Variants in CNTNAP5 observed in about 807,000 individuals in gnomAD.
CNTNAP5 encodes the protein contactin-associated protein-like 5.
In CNTNAP5, 72 loss-of-function variants were observed where a neutral mutation model predicts 150.2. The observed-to-expected ratio is 0.48, with a 90% confidence interval of 0.40 to 0.58. The LOEUF is 0.58. Among genes scored for constraint, CNTNAP5 ranks in the 20% least tolerant of loss-of-function variants. The pLI is 0.00. For synonymous variants in CNTNAP5, 672 were observed against 619.8 expected (o/e 1.08, Z -1.25); for missense variants, 1,636 against 1,626.2 (o/e 1.01, Z -0.10).
At position 124,524,392 on chromosome 2, in the gene CNTNAP5, C is replaced by T. The variant is rs1484108194; in HGVS notation, c.1417C>T (p.Pro473Ser). 6.2e-7 allele frequency: 1 copy of T among 1,613,710 alleles called. No homozygotes were observed. The highest frequency in any genetic ancestry group is 1.1e-5 in the South Asian group (1 of 91,072). The change falls in exon 9 of 24, where the codon CCC (proline) becomes TCC (serine). Residue 473 changes from proline (P) to serine (S), a missense_variant. Pro to Ser is a moderately conservative substitution (Grantham distance 74). Transcript: ENST00000682447. Reference sequence around the variant, plus strand: ...GCTCACTCTGGATGATGAAGCAGCACCCCCGGCTCCAGACAGCACTTGGGT... The same window carrying T: ...GCTCACTCTGGATGATGAAGCAGCATCCCCGGCTCCAGACAGCACTTGGGT... ...ITLTLDDEAAPPAPDSTWVQI... is the reference protein window; with the variant it reads ...ITLTLDDEAASPAPDSTWVQI...
chr2:124,130,651 A>G (rs563233297), intron 1 of CNTNAP5, among the ~76,000 whole-genome samples: 1 of 152,256 alleles, frequency 6.6e-6, no homozygotes, highest in South Asian at 2.1e-4. Context: ...TGGTGGCGAC[A>G]GCATCCTATT....
chr2:124,903,712 T>C (rs1341081763), intron 22 of CNTNAP5, among the ~76,000 whole-genome samples: 1 of 152,086 alleles, frequency 6.6e-6, no homozygotes, highest in South Asian at 2.1e-4. Flanking sequence ...AAATGTCAAG[T>C]AAACAATACA....
chr2:124,137,465 A>T (rs935854891), intron 1 of CNTNAP5, among the ~76,000 whole-genome samples: 1 of 152,208 alleles, frequency 6.6e-6, no homozygotes, highest in Non-Finnish European at 1.5e-5. Context: ...ATTCTAAAAT[A>T]AACTATGAGC....
intron 3 of CNTNAP5, among the ~76,000 whole-genome samples, chr2:124,365,352 A>G (rs1030599785): frequency 1.3e-5 from 2 of 152,056 alleles, no homozygotes; most frequent in African/African-American, 4.8e-5. Context: ...ATGGATGTCA[A>G]TGGGGAAGAA....
chr2:124,216,872 CA>C (rs1362721980), intron 1 of CNTNAP5, among the ~76,000 whole-genome samples: 1 of 152,078 alleles, frequency 6.6e-6, no homozygotes, highest in Admixed American at 6.6e-5. Context: ...GTCTTTATAG[CA>C]GCATGATTTA....
intron 19 of CNTNAP5, among the ~76,000 whole-genome samples, chr2:124,811,393 CT>C (rs1278454354): frequency 9.2e-5 from 14 of 152,146 alleles, no homozygotes; most frequent in African/African-American, 3.1e-4. Flanking sequence ...AAATGTATTA[CT>C]TCGATAAAAA....
chr2:124,819,076 A>G (rs1382528222), intron 19 of CNTNAP5, among the ~76,000 whole-genome samples: 1 of 152,110 alleles, frequency 6.6e-6, no homozygotes, highest in East Asian at 1.9e-4. Flanking sequence ...TGGGGCTTAT[A>G]GAGACCATGC....
chr2:124,720,124 C>T (rs1680020651), intron 13 of CNTNAP5, among the ~76,000 whole-genome samples: 1 of 152,078 alleles, frequency 6.6e-6, no homozygotes, highest in South Asian at 2.1e-4. Flanking sequence ...CTTAATATTG[C>T]CTTGGTCCCT....
At chr2:124,440,438 G>A (rs186013166) in intron 5 of CNTNAP5, among the ~76,000 whole-genome samples, 2 of 152,086 alleles carry the variant, frequency 1.3e-5, no homozygotes, top group East Asian at 1.9e-4. Context: ...AGTTAAAGTG[G>A]CATCCATGTT....
intron 13 of CNTNAP5, among the ~76,000 whole-genome samples, chr2:124,670,356 C>G (rs899545340): frequency 4.6e-5 from 7 of 151,916 alleles, no homozygotes; most frequent in African/African-American, 1.7e-4. Flanking sequence ...TACTTGCTGG[C>G]CATCTGTGTG....
At chr2:124,136,439 A>G (rs992982114) in intron 1 of CNTNAP5, among the ~76,000 whole-genome samples, 2 of 152,210 alleles carry the variant, frequency 1.3e-5, no homozygotes, top group Non-Finnish European at 2.9e-5. Context: ...TACCTACTCA[A>G]CATCAAAGCT....
At chr2:124,151,097 G>C (rs1209083205) in intron 1 of CNTNAP5, among the ~76,000 whole-genome samples, 13 of 152,160 alleles carry the variant, frequency 8.5e-5, no homozygotes, top group African/African-American at 3.1e-4. Flanking sequence ...CACGGTCTAG[G>C]ATTTGACTTC....
chr2:124,274,980 G>A lies in CNTNAP5; in HGVS notation c.381+32587G>A, dbSNP rs575734150. ...GTTTAATGGACCTACAGTTCCATAT[G>A]GCTGGGGTGGCCTCACAATCATGGT... On this transcript the variant is annotated intron_variant, in intron 3 of 23. Coordinates refer to ENST00000682447, the MANE Select transcript of CNTNAP5 (RefSeq NM_001367498.1). Among the ~76,000 whole-genome samples, 58 of 152,296 alleles carry A rather than the reference G, an allele frequency of 3.8e-4. 1 individual carries two copies. Among genetic ancestry groups the A allele is most frequent in the South Asian group, 6.2e-4 (3 of 4,818 alleles).
chr2:124,376,562 G>T (rs941137150), intron 3 of CNTNAP5, among the ~76,000 whole-genome samples: 1 of 151,864 alleles, frequency 6.6e-6, no homozygotes, highest in Non-Finnish European at 1.5e-5. Flanking sequence ...TATATGTACC[G>T]TGTGTGTGTG....
chr2:124,570,007 G>A (rs1696115322), intron 11 of CNTNAP5, among the ~76,000 whole-genome samples: 1 of 152,142 alleles, frequency 6.6e-6, no homozygotes, highest in Non-Finnish European at 1.5e-5. Flanking sequence ...GGCTTTGGTG[G>A]CATATAGGCT....
intron 1 of CNTNAP5, among the ~76,000 whole-genome samples, chr2:124,048,410 G>A (rs758441181): frequency 2.0e-5 from 3 of 152,024 alleles, no homozygotes; most frequent in African/African-American, 4.8e-5. Flanking sequence ...TTTCCTTTGC[G>A]TCTCCATTTA....
At chr2:124,846,672 T>G (rs999124165) in intron 19 of CNTNAP5, among the ~76,000 whole-genome samples, 1 of 152,168 alleles carries the variant, frequency 6.6e-6, no homozygotes, top group African/African-American at 2.4e-5. Flanking sequence ...CCTTAATTGT[T>G]TTACTGATTC....
At chr2:124,156,505 G>GT (rs914567395) in intron 1 of CNTNAP5, among the ~76,000 whole-genome samples, 13 of 151,930 alleles carry the variant, frequency 8.6e-5, no homozygotes, top group African/African-American at 2.2e-4. Context: ...ATTTATTTTT[G>GT]TTTTTTTTGA....
In CNTNAP5 at chr2:124,786,123, G is replaced by A. The variant is rs76137017; in HGVS notation, c.2753-3779G>A. On this transcript the variant is annotated intron_variant, in intron 17 of 23. Transcript: ENST00000682447. Reference sequence around the variant, plus strand: ...ATAAATTTTAACGAATTAGCTGGTCGTGGTGGTGTGTGCTTTTGGTCCCAG... The same window carrying A: ...ATAAATTTTAACGAATTAGCTGGTCATGGTGGTGTGTGCTTTTGGTCCCAG... 1.6e-3 allele frequency among the ~76,000 whole-genome samples: 236 copies of A among 151,654 alleles called. 1 individual carries two copies. The East Asian group carries it at 0.022, about 14-fold the overall frequency.
Sources: allele counts gnomAD v4.1 joint callset (sites outside exome capture counted in the v4.1 genomes callset), GRCh38; gene constraint gnomAD v4.1.1; transcripts MANE v1.5; gene names NCBI Gene and HGNC (gene_info 2026-07-23, HGNC 2026-07-21).